Variants in THSD7B observed in about 807,000 individuals in gnomAD.
THSD7B encodes the protein thrombospondin type-1 domain-containing protein 7B.
In THSD7B, 138 loss-of-function variants were observed where a neutral mutation model predicts 213.6. That is an observed-to-expected ratio of 0.65 (90% CI 0.56 to 0.74). The LOEUF is 0.74. Ranked by LOEUF, THSD7B falls within the 30% of genes least tolerant of loss-of-function variation. THSD7B has a pLI of 0.00. For missense variants in THSD7B, 1,931 were observed against 1,991.5 expected, an observed-to-expected ratio of 0.97 and a Z score of 0.58; for synonymous variants, 742 against 687.0, an observed-to-expected ratio of 1.08 and a Z score of -1.25.
At chr2:137,008,865 A>G (rs1439179658) in intron 2 of THSD7B, among the ~76,000 whole-genome samples, 1 of 152,156 alleles carries the variant, frequency 6.6e-6, no homozygotes, top group Admixed American at 6.5e-5. Context: ...TCATTTTTGA[A>G]TGAAGTCCCC....
chr2:137,566,514 T>C (rs1681242052), intron 16 of THSD7B, among the ~76,000 whole-genome samples: 1 of 152,194 alleles, frequency 6.6e-6, no homozygotes, highest in Non-Finnish European at 1.5e-5. Context: ...TGGACCCTCC[T>C]ATGGGGTGAT....
At chr2:137,022,001 A>G (rs1686453318) in intron 2 of THSD7B, among the ~76,000 whole-genome samples, 2 of 152,136 alleles carry the variant, frequency 1.3e-5, no homozygotes, top group Admixed American at 6.5e-5. Context: ...AGATTTCTCC[A>G]TGCTGTTACA....
chr2:137,503,792 T>C (rs1373826773), intron 15 of THSD7B, among the ~76,000 whole-genome samples: 2 of 152,064 alleles, frequency 1.3e-5, no homozygotes, highest in African/African-American at 4.8e-5. Flanking sequence ...TTTGGGAGGC[T>C]GAGGCAGGTG....
chr2:136,951,307 T>G (rs1449192078), intron 2 of THSD7B, among the ~76,000 whole-genome samples: 1 of 152,230 alleles, frequency 6.6e-6, no homozygotes, highest in Non-Finnish European at 1.5e-5. Flanking sequence ...TCTTCCCTAT[T>G]CTCTTTTCCT....
chr2:137,295,792 G>C (rs1161483672), intron 12 of THSD7B, among the ~76,000 whole-genome samples: 2 of 152,044 alleles, frequency 1.3e-5, no homozygotes, highest in African/African-American at 4.8e-5. Flanking sequence ...TTTTTAGGTA[G>C]TAGAATTTCC....
At chr2:137,347,463 C>T (rs1042048375) in intron 12 of THSD7B, among the ~76,000 whole-genome samples, 1 of 151,388 alleles carries the variant, frequency 6.6e-6, no homozygotes, top group African/African-American at 2.4e-5. Flanking sequence ...GTGTGGACTC[C>T]GGGGAGCTGG....
At chr2:137,536,533 A>G (rs1680510730) in intron 15 of THSD7B, among the ~76,000 whole-genome samples, 1 of 151,820 alleles carries the variant, frequency 6.6e-6, no homozygotes, top group Admixed American at 6.6e-5. Context: ...ACTAAAGCCA[A>G]GAAGAAAGAT....
intron 25 of THSD7B, among the ~76,000 whole-genome samples, chr2:137,662,122 G>A (rs1478885697): frequency 6.7e-6 from 1 of 149,254 alleles, no homozygotes; most frequent in Non-Finnish European, 1.5e-5. Flanking sequence ...GAGTGCAGTG[G>A]CATGATCTTG....
chr2:137,111,783 C>T (rs1688349732), intron 4 of THSD7B, among the ~76,000 whole-genome samples: 2 of 152,182 alleles, frequency 1.3e-5, no homozygotes, highest in South Asian at 2.1e-4. Context: ...TGGTAAGGGG[C>T]TATGGAAACT....
chr2:137,519,126 C>A (rs1680131065), intron 15 of THSD7B, among the ~76,000 whole-genome samples: 1 of 152,010 alleles, frequency 6.6e-6, no homozygotes, highest in Non-Finnish European at 1.5e-5. Context: ...GTGGCGTGCG[C>A]CTATAGTCCC....
At chr2:137,058,450 CT>C (rs1022479684) in intron 3 of THSD7B, among the ~76,000 whole-genome samples, 4 of 151,832 alleles carry the variant, frequency 2.6e-5, no homozygotes, top group Non-Finnish European at 5.9e-5. Context: ...CAGTGTTTTT[CT>C]TTTTTTAATA....
intron 2 of THSD7B, among the ~76,000 whole-genome samples, chr2:136,998,261 CAAAAAAAA>C (rs33931359): frequency 5.9e-4 from 58 of 98,414 alleles, no homozygotes; most frequent in African/African-American, 2.0e-3. Flanking sequence ...ACTAAAAGGC[CAAAAAAAA>C]AAAAAAAAAA....
intron 5 of THSD7B, among the ~76,000 whole-genome samples, chr2:137,158,907 A>G (rs1679958166): frequency 6.6e-6 from 1 of 152,204 alleles, no homozygotes; most frequent in Non-Finnish European, 1.5e-5. Context: ...ACTAGTGTGT[A>G]AAATAACATT....
chr2:136,957,590 C>T (rs1685149122), intron 2 of THSD7B, among the ~76,000 whole-genome samples: 1 of 150,774 alleles, frequency 6.6e-6, no homozygotes, highest in African/African-American at 2.5e-5. Flanking sequence ...ATAAAACCTC[C>T]TGAGTTTTGT....
intron 2 of THSD7B, among the ~76,000 whole-genome samples, chr2:137,001,323 C>A (rs1685994361): frequency 1.3e-5 from 2 of 152,232 alleles, no homozygotes; most frequent in African/African-American, 2.4e-5. Flanking sequence ...ACTAAAATCA[C>A]AATTTCTGGC....
chr2:137,573,210 T>G (rs1391181044), intron 17 of THSD7B, among the ~76,000 whole-genome samples: 1 of 152,096 alleles, frequency 6.6e-6, no homozygotes, highest in Non-Finnish European at 1.5e-5. Flanking sequence ...TTCTGATGTT[T>G]TATACTCATA....
chr2:137,657,865 C>T (rs1573770681), intron 24 of THSD7B, among the ~76,000 whole-genome samples: 1 of 152,192 alleles, frequency 6.6e-6, no homozygotes, highest in Non-Finnish European at 1.5e-5. Context: ...CAGGCACACG[C>T]CACCACGCCC....
At chr2:136,814,587 A>T (rs1375035936) in intron 1 of THSD7B, among the ~76,000 whole-genome samples, 1 of 152,020 alleles carries the variant, frequency 6.6e-6, no homozygotes, top group Non-Finnish European at 1.5e-5. Context: ...TTTAGTAGAG[A>T]CGGGGTTTCA....
Position 137,531,837 on chromosome 2 carries a change from G to A in THSD7B, c.3139-31384G>A, listed in dbSNP as rs374101007. On this transcript the variant is annotated intron_variant, in intron 15 of 27. Coordinates refer to ENST00000409968, the MANE Select transcript of THSD7B (RefSeq NM_001316349.2). ...AAGCAGTGTTTTAAGGTCTTAGTAGGTAAAGTGTCTTCCTGGAGTGACATG... is the reference window on the plus strand; with the variant it reads ...AAGCAGTGTTTTAAGGTCTTAGTAGATAAAGTGTCTTCCTGGAGTGACATG... 3.9e-5 allele frequency among the ~76,000 whole-genome samples: 6 copies of A among 152,068 alleles called. No individual in the cohort carries two copies. In the East Asian group the frequency reaches 5.8e-4, roughly 15 times the overall value.
Sources: gnomAD v4.1 joint callset for allele counts (sites outside exome capture counted in the v4.1 genomes callset) on GRCh38, gnomAD v4.1.1 for gene constraint, MANE v1.5 for transcripts, NCBI Gene and HGNC (gene_info 2026-07-23, HGNC 2026-07-21) for gene names.